The following RASA1 variants were observed in gnomAD, a reference collection of about 807,000 sequenced individuals.
RASA1 encodes the protein RAS p21 protein activator 1, also known as ras GTPase-activating protein 1.
RASA1 carries 25 observed loss-of-function variants against 132.2 expected under a neutral mutation model. The ratio of observed to expected loss-of-function variants is 0.19; its 90% CI spans 0.14 to 0.26. The LOEUF is 0.26. Ranked by LOEUF, RASA1 falls within the 10% of genes least tolerant of loss-of-function variation. The probability of loss-of-function intolerance (pLI) is 1.00; values close to 1 mark genes in which losing one functional copy is unlikely to be tolerated. For missense variants in RASA1, 964 were observed against 1,299.2 expected (o/e 0.74, Z 3.97); for synonymous variants, 477 against 449.9 (o/e 1.06, Z -0.76).
chr5:87,284,111 C>G (rs1479856960), intron 1 of RASA1, among the ~76,000 whole-genome samples: 2 of 152,060 alleles, frequency 1.3e-5, no homozygotes, highest in South Asian at 2.1e-4. Context: ...TAACGAAACC[C>G]AATTTTTTTC....
At chr5:87,331,548 T>C in intron 2 of RASA1, 48 bp downstream of exon 2, 2 of 1,582,292 alleles carry the variant, frequency 1.3e-6, no homozygotes, top group Non-Finnish European at 1.7e-6. Context: ...GCTATTTTGA[T>C]ATAATATTCA....
At chr5:87,369,997 A>G (rs1227471123) in intron 12 of RASA1, 97 bp downstream of exon 12, 5 of 1,022,040 alleles carry the variant, frequency 4.9e-6, no homozygotes, top group Non-Finnish European at 7.5e-6. Flanking sequence ...AGATAAAGTG[A>G]CAGAACGCCT....
At chr5:87,315,426 C>T (rs2096738532) in intron 1 of RASA1, among the ~76,000 whole-genome samples, 1 of 152,126 alleles carries the variant, frequency 6.6e-6, no homozygotes, top group African/African-American at 2.4e-5. Flanking sequence ...CCCTGATGAC[C>T]CTATCTAATC....
At chr5:87,323,230 A>T (rs1045554896) in intron 1 of RASA1, among the ~76,000 whole-genome samples, 2 of 152,312 alleles carry the variant, frequency 1.3e-5, no homozygotes, top group African/African-American at 4.8e-5. Flanking sequence ...TTATTTTTTT[A>T]AAAAAGTTAA....
chr5:87,382,305 A>G (rs908994745), intron 20 of RASA1, among the ~76,000 whole-genome samples: 1 of 152,210 alleles, frequency 6.6e-6, no homozygotes, highest in Admixed American at 6.5e-5. Context: ...TTACTTTCTA[A>G]GAGTCCAAAA....
intron 1 of RASA1, among the ~76,000 whole-genome samples, chr5:87,271,452 CTTTTTTTTTT>C (rs201918763): frequency 6.8e-4 from 26 of 38,218 alleles, no homozygotes; most frequent in South Asian, 5.1e-3. Context: ...TAGTAGACTT[CTTTTTTTTTT>C]TTTTTTTTTT....
chr5:87,298,151 TG>T (rs1755201073), intron 1 of RASA1, among the ~76,000 whole-genome samples: 1 of 152,076 alleles, frequency 6.6e-6, no homozygotes, highest in African/African-American at 2.4e-5. Flanking sequence ...GGCTCACACC[TG>T]TAATCCCAGC....
intron 8 of RASA1, among the ~76,000 whole-genome samples, chr5:87,349,805 A>T (rs1046109886): frequency 2.6e-5 from 4 of 151,950 alleles, no homozygotes; most frequent in Admixed American, 6.6e-5. Flanking sequence ...CATTTCTTAC[A>T]TGTGATTGTT....
intron 5 of RASA1, 131 bp downstream of exon 5, chr5:87,338,222 T>G (rs932928476): frequency 1.4e-6 from 2 of 1,399,406 alleles, no homozygotes; most frequent in African/African-American, 2.9e-5. Flanking sequence ...AGTACAAGAA[T>G]TATAAGTGCT....
At chr5:87,352,424 G>T (rs979129353) in intron 8 of RASA1, among the ~76,000 whole-genome samples, 9 of 151,506 alleles carry the variant, frequency 5.9e-5, no homozygotes, top group Non-Finnish European at 1.2e-4. Flanking sequence ...TTAAAGGAAG[G>T]TTTAAAATTC....
intron 9 of RASA1, among the ~76,000 whole-genome samples, chr5:87,358,955 T>TTAC (rs1337198285): frequency 3.9e-5 from 2 of 51,236 alleles, no homozygotes; most frequent in African/African-American, 7.8e-5. Flanking sequence ...CAAATGACAC[T>TTAC]TTACCTAGAC....
chr5:87,284,702 TG>T (rs1242152113), intron 1 of RASA1, among the ~76,000 whole-genome samples: 5 of 152,200 alleles, frequency 3.3e-5, no homozygotes, highest in Non-Finnish European at 5.9e-5. Flanking sequence ...ACTATTTGTT[TG>T]TATTTGTTTG....
intron 11 of RASA1, among the ~76,000 whole-genome samples, chr5:87,368,506 A>C (rs192781638): frequency 1.3e-4 from 20 of 152,306 alleles, no homozygotes; most frequent in African/African-American, 4.8e-4. Context: ...GACATTGTAC[A>C]TGAAAAACTA....
Position 87,372,130 on chromosome 5 carries a change from G to A in RASA1, c.1711G>A (p.Gly571Ser). Residue 571 changes from glycine to serine, a missense_variant, in exon 13 of 25, where the codon GGT becomes AGT. By Grantham distance (56) the Gly-to-Ser change is moderately conservative. This residue lies in a region of RASA1 where 346 missense variants were observed against 520.1 expected (regional missense o/e 0.67). Transcript: ENST00000274376. ...TPEQAEDWMK[G>S]LQAFCNLRKS... ...TTTTTCTTTGCAGGATTGGATGAAA[G>A]GTCTGCAGGCATTTTGCAATTTACG... The A allele has an allele frequency of 1.2e-6, 2 of 1,613,398 alleles. No individual in the cohort carries two copies. Among genetic ancestry groups the A allele is most frequent in the Non-Finnish European group, 1.7e-6 (2 of 1,179,640 alleles).
intron 17 of RASA1, 151 bp downstream of exon 17, chr5:87,377,191 T>C: frequency 7.1e-6 from 7 of 987,552 alleles, no homozygotes; most frequent in Non-Finnish European, 1.1e-5. Context: ...TGCAGTTGGA[T>C]GTCAGTTCTG....
At chr5:87,331,539 C>G in intron 2 of RASA1, 39 bp downstream of exon 2, 1 of 1,594,494 alleles carries the variant, frequency 6.3e-7, no homozygotes, top group Non-Finnish European at 8.6e-7. Flanking sequence ...AATGATGTAG[C>G]TATTTTGATA....
intron 18 of RASA1, 79 bp from the exon 19 acceptor site, chr5:87,379,656 T>G (rs1375355564): frequency 1.0e-5 from 16 of 1,554,922 alleles, no homozygotes; most frequent in Middle Eastern, 2.3e-4. Flanking sequence ...CCTCGAAAAC[T>G]ATAACTACTT....
chr5:87,360,270 G>A (rs951991008), intron 9 of RASA1, among the ~76,000 whole-genome samples: 1 of 152,010 alleles, frequency 6.6e-6, no homozygotes, highest in South Asian at 2.1e-4. Context: ...GGAATTACAG[G>A]CACGCGCCAC....
rs747965493 is a variant in RASA1 at position 87,390,917 on chromosome 5, C to T, written c.*34C>T. On this transcript the variant is annotated 3_prime_UTR_variant, in exon 25 of 25. Transcript: ENST00000274376. ...GCCCCAGTGTTCTGCATGGATTCAG[C>T]ATGTCCAACATGGTAATTCACTTCA... The T allele has an allele frequency of 6.4e-7, 1 of 1,550,730 alleles. No individual in the cohort carries two copies. Among genetic ancestry groups the T allele is most frequent in the East Asian group, 2.2e-5 (1 of 44,448 alleles).
Sources: gnomAD v4.1 joint callset for allele counts (sites outside exome capture counted in the v4.1 genomes callset) on GRCh38, gnomAD v4.1.1 for gene constraint, gnomAD v4.1.1 regional missense constraint, MANE v1.5 for transcripts, NCBI Gene and HGNC (gene_info 2026-07-23, HGNC 2026-07-21) for gene names.